The following CCDC7 variants were observed in gnomAD, a reference collection of about 807,000 sequenced individuals.
CCDC7 encodes the protein coiled-coil domain containing 7, also known as coiled-coil domain-containing protein 7.
A neutral mutation model predicts 196.9 loss-of-function variants in CCDC7; 183 were observed. The observed-to-expected ratio is 0.93, with a 90% CI of 0.82 to 1.05. The LOEUF is 1.05. Ranked by LOEUF, CCDC7 falls within the 50% of genes least tolerant of loss-of-function variation. The pLI, the probability that CCDC7 is intolerant of heterozygous loss-of-function variation, is 0.00. For synonymous variants in CCDC7, 525 were observed against 484.6 expected (o/e 1.08, Z -1.10); for missense variants, 1,540 against 1,482.2 (o/e 1.04, Z -0.64).
intron 13 of CCDC7, among the ~76,000 whole-genome samples, chr10:32,561,710 A>T (rs80212234): frequency 1.4e-3 from 197 of 139,554 alleles, no homozygotes; most frequent in South Asian, 2.1e-3. Context: ...AAAGATCTAA[A>T]ATGGACACCC....
exon 32 of CCDC7, chr10:32,824,556 A>G (rs1342645830): frequency 6.2e-7 from 1 of 1,612,422 alleles, no homozygotes; most frequent in Non-Finnish European, 8.5e-7. Context: ...TGAGAGAGGT[A>G]CAATAAATGA....
intron 5 of CCDC7, among the ~76,000 whole-genome samples, chr10:32,464,544 T>C (rs573791888): frequency 1.4e-4 from 22 of 152,320 alleles, no homozygotes; most frequent in African/African-American, 5.3e-4. Flanking sequence ...GATCTCATTC[T>C]GGTTGCCCTG....
chr10:32,817,024 G>T (rs1371004856), intron 31 of CCDC7, among the ~76,000 whole-genome samples: 4 of 152,124 alleles, frequency 2.6e-5, no homozygotes, highest in African/African-American at 9.7e-5. Flanking sequence ...GGCTTCAGAT[G>T]ATCAGACTAC....
At chr10:32,464,409 G>T (rs533891937) in intron 5 of CCDC7, among the ~76,000 whole-genome samples, 1 of 152,190 alleles carries the variant, frequency 6.6e-6, no homozygotes, top group African/African-American at 2.4e-5. Flanking sequence ...TTCCTGTTAA[G>T]ACAGATATAT....
At chr10:32,714,463 A>T (rs1454093189) in intron 25 of CCDC7, among the ~76,000 whole-genome samples, 1 of 152,154 alleles carries the variant, frequency 6.6e-6, no homozygotes, top group East Asian at 1.9e-4. Context: ...TTCAAGCACA[A>T]AACTGGGCAG....
At chr10:32,473,586 GT>G (rs1038970062) in intron 7 of CCDC7, among the ~76,000 whole-genome samples, 7 of 152,168 alleles carry the variant, frequency 4.6e-5, no homozygotes, top group Non-Finnish European at 1.0e-4. Context: ...CCTTAGATGT[GT>G]GATCAGTACC....
At chr10:32,564,061 C>A (rs959499904) in intron 13 of CCDC7, among the ~76,000 whole-genome samples, 54 of 152,216 alleles carry the variant, frequency 3.5e-4, no homozygotes, top group African/African-American at 1.1e-3. Flanking sequence ...TGCTCATCAT[C>A]ACTGGCCATC....
chr10:32,591,529 G>A lies in CCDC7; in HGVS notation c.1801+7225G>A, dbSNP rs1186236189. Among the ~76,000 whole-genome samples, 9 of 151,996 alleles carry A rather than the reference G, an allele frequency of 5.9e-5. No individual in the cohort carries two copies. In the South Asian group the frequency reaches 6.2e-4, roughly 11 times the overall value. On this transcript the variant is annotated intron_variant, in intron 18 of 41. Transcript: ENST00000639629. ...TTTTGTTTGTTTGTTTGTGCAATCA[G>A]TGTTATCATCAGTTTAAAATAATGG... is the stretch of plus-strand genomic sequence containing the variant.
Position 32,614,828 on chromosome 10 carries a change from A to G in CCDC7, c.1802-19426A>G, listed in dbSNP as rs534756998. On this transcript the variant is annotated intron_variant, in intron 18 of 41. Transcript: ENST00000639629. The stretch of plus-strand genomic sequence containing the variant: ...TCTATCCCACCCACTGCTGCTTTCT[A>G]TTTTTCCACTCTGTGTGTCCATTGT... Among the ~76,000 whole-genome samples, 32 of 151,958 alleles carry G rather than the reference A, an allele frequency of 2.1e-4. 2 individuals carry two copies. Among genetic ancestry groups the G allele is most frequent in the Middle Eastern group, 6.8e-3 (2 of 294 alleles).
At chr10:32,580,472 T>C (rs1472482262) in intron 16 of CCDC7, among the ~76,000 whole-genome samples, 2 of 152,126 alleles carry the variant, frequency 1.3e-5, no homozygotes. Context: ...TTAATTGTAT[T>C]GTATTGTAAA....
chr10:32,704,419 A>T (rs576677443), intron 24 of CCDC7, among the ~76,000 whole-genome samples: 1 of 152,112 alleles, frequency 6.6e-6, no homozygotes, highest in Non-Finnish European at 1.5e-5. Flanking sequence ...GTTTTTCCCT[A>T]CTGGGGGGTG....
At chr10:32,728,894 T>G (rs1278557143) in exon 27 of CCDC7, 37 of 1,587,792 alleles carry the variant, frequency 2.3e-5, no homozygotes, top group Non-Finnish European at 3.2e-5. Context: ...TAGCTCGTAT[T>G]GTAGTACCAA....
At chr10:32,711,264 GGTTTTGAA>G (rs1411254052) in intron 24 of CCDC7, among the ~76,000 whole-genome samples, 1 of 151,674 alleles carries the variant, frequency 6.6e-6, no homozygotes, top group Non-Finnish European at 1.5e-5. Context: ...AAATCTCAAT[GGTTTTGAA>G]TACTTTGCAA....
intron 19 of CCDC7, among the ~76,000 whole-genome samples, 152 bp downstream of exon 20, chr10:32,634,516 A>G (rs1272612572): frequency 2.8e-4 from 42 of 151,848 alleles, no homozygotes; most frequent in Admixed American, 2.8e-3. Context: ...CCTGCCCCAG[A>G]CTCCCGAGTA....
At chr10:32,506,654 C>G (rs1030377608) in intron 9 of CCDC7, among the ~76,000 whole-genome samples, 4 of 152,208 alleles carry the variant, frequency 2.6e-5, no homozygotes, top group South Asian at 4.1e-4. Flanking sequence ...GAGCTGGAGA[C>G]CAGCCCAGTC....
chr10:32,728,797 A>G, intron 26 of CCDC7, 90 bp from the exon 28 acceptor site: 2 of 661,402 alleles, frequency 3.0e-6, no homozygotes, highest in South Asian at 6.6e-5. Flanking sequence ...TAATTTACTT[A>G]TAACTTTATA....
intron 21 of CCDC7, among the ~76,000 whole-genome samples, chr10:32,666,069 T>G (rs1193103799): frequency 6.6e-6 from 1 of 151,858 alleles, no homozygotes; most frequent in African/African-American, 2.4e-5. Flanking sequence ...TTTATGAATT[T>G]AATCATTTGG....
At chr10:32,869,642 G>A (rs2094348386) in intron 41 of CCDC7, among the ~76,000 whole-genome samples, 2 of 152,118 alleles carry the variant, frequency 1.3e-5, no homozygotes, top group Non-Finnish European at 2.9e-5. Flanking sequence ...CCTTGCCCAT[G>A]TCTATGTCCT....
chr10:32,511,823 C>T (rs546715575), intron 9 of CCDC7: 300 of 901,702 alleles, frequency 3.3e-4, no homozygotes, highest in Non-Finnish European at 5.1e-4. Flanking sequence ...CAGCTCTGCC[C>T]GCGCCACCAG....
Sources: allele counts gnomAD v4.1 joint callset (sites outside exome capture counted in the v4.1 genomes callset), GRCh38; gene constraint gnomAD v4.1.1; transcripts MANE v1.5; gene names NCBI Gene and HGNC (gene_info 2026-07-23, HGNC 2026-07-21).